F11R: variants seen among roughly 807,000 people sequenced by gnomAD.
F11R encodes the protein junctional adhesion molecule A.
In F11R, 27 loss-of-function variants were observed where a neutral mutation model predicts 39.3. The ratio of observed to expected loss-of-function variants is 0.69; its 90% CI spans 0.51 to 0.95. The LOEUF (loss-of-function observed/expected upper bound fraction) is 0.95, where lower values mean the gene tolerates loss of function less well. F11R is among the 40% of genes least tolerant of loss of function. The pLI, the probability that F11R is intolerant of heterozygous loss-of-function variation, is 0.00. For missense variants in F11R, 335 were observed against 372.7 expected (o/e 0.90, Z 0.83); for synonymous variants, 131 against 144.9 (o/e 0.90, Z 0.69).
intron 1 of F11R, among the ~76,000 whole-genome samples, chr1:161,007,358 A>C (rs201048714): frequency 7.5e-6 from 1 of 132,612 alleles, no homozygotes; most frequent in African/African-American, 2.9e-5. Context: ...CCAGCTACTC[A>C]GGAGGCTGAG....
chr1:161,019,511 C>A lies in F11R; in HGVS notation c.64+1499G>T, dbSNP rs532590235. Among the ~76,000 whole-genome samples, 3 of 150,516 alleles carry A rather than the reference C, an allele frequency of 2.0e-5. No homozygotes were observed. The Middle Eastern group carries it at 0.01, about 519-fold the overall frequency. ...TCGGGAGGCTGAGGCAGGAGAATCG[C>A]TTAAACCCGGAAGGCGGAGGTTGCG... On this transcript the variant is annotated intron_variant, in intron 1 of 9. Coordinates refer to ENST00000368026, the MANE Select transcript of F11R (RefSeq NM_016946.6).
At chr1:161,000,903 G>A (rs2101968738) in intron 3 of F11R, 117 bp downstream of exon 3, 1 of 1,464,162 alleles carries the variant, frequency 6.8e-7, no homozygotes, top group Non-Finnish European at 9.5e-7. Context: ...GGAAGGCCAT[G>A]AGGACTTCAG....
chr1:160,999,500 T>C, intron 7 of F11R, 92 bp from the exon 8 acceptor site: 1 of 1,575,442 alleles, frequency 6.3e-7, no homozygotes, highest in Non-Finnish European at 8.7e-7. Flanking sequence ...GCTCTTGGTG[T>C]TAGATGGGTG....
intron 5 of F11R, 32 bp downstream of exon 5, chr1:161,000,114 C>A: frequency 6.2e-7 from 1 of 1,612,388 alleles, no homozygotes; most frequent in South Asian, 1.1e-5. Context: ...ACTGCATCCC[C>A]CACACATCTT....
rs199540108 is a variant in F11R, at chr1:161,000,215, A to G, written c.522T>C (p.Pro174=). Residue 174 remains proline, a synonymous_variant, in exon 5 of 10, where the codon CCT becomes CCC. Coordinates refer to ENST00000368026, the MANE Select transcript of F11R (RefSeq NM_016946.6). The part of the protein sequence containing the change: ...YTWFKDGIVM[P]TNPKSTRAFS... ...AGGCACGGGTGCTTTTGGGATTCGT[A>G]GGCATCACTATCCCATCTTTGAACC... 1.9e-5 allele frequency: 31 copies of G among 1,614,024 alleles called. No homozygotes were observed. The highest frequency in any genetic ancestry group is 2.4e-5 in the Non-Finnish European group (28 of 1,180,034).
intron 1 of F11R, among the ~76,000 whole-genome samples, chr1:161,017,552 T>A (rs866979760): frequency 6.6e-6 from 1 of 152,312 alleles, no homozygotes; most frequent in South Asian, 2.1e-4. Context: ...TGTTCACGTG[T>A]TTGTCTACTG....
intron 1 of F11R, among the ~76,000 whole-genome samples, chr1:161,011,801 T>A (rs1370448265): frequency 1.3e-5 from 2 of 152,048 alleles, no homozygotes; most frequent in African/African-American, 4.8e-5. Flanking sequence ...AAGACTAGAA[T>A]GAAACACCAG....
At position 160,998,714 on chromosome 1, in the gene F11R, T is replaced by G; in HGVS notation, c.*157A>C. ...AGGGCATGAAGGAGGATGGGGCACA[T>G]AGCTGACATTATTAAAAACACATCC... On this transcript the variant is annotated 3_prime_UTR_variant, in exon 10 of 10. Coordinates refer to ENST00000368026, the MANE Select transcript of F11R (RefSeq NM_016946.6). 1.5e-6 allele frequency: 1 copy of G among 682,942 alleles called. No individual in the cohort carries two copies. Among genetic ancestry groups the G allele is most frequent in the Non-Finnish European group, 2.6e-6 (1 of 386,324 alleles). The allele number at this position is 682,942 out of a possible 1,614,324, so 42.3% of individuals were successfully genotyped here. A position where few individuals can be genotyped will look rare whatever the true frequency, so the allele number is the denominator to read the frequency against.
At chr1:161,000,608 C>T (rs753261034) in intron 4 of F11R, 23 bp downstream of exon 4, 1 of 1,613,944 alleles carries the variant, frequency 6.2e-7, no homozygotes, top group Non-Finnish European at 8.5e-7. Flanking sequence ...TCCAGGCCCA[C>T]CCAGAAGACA....
chr1:161,002,196 A>T (rs1172999993), intron 1 of F11R, among the ~76,000 whole-genome samples: 1 of 145,932 alleles, frequency 6.9e-6, no homozygotes, highest in East Asian at 2.2e-4. Flanking sequence ...CGGGAGGCGG[A>T]GATTGCAGTG....
Position 160,996,593 on chromosome 1 carries a change from C to G in F11R, c.*2278G>C, listed in dbSNP as rs558172563. On this transcript the variant is annotated 3_prime_UTR_variant, in exon 10 of 10. Transcript: ENST00000368026. ...CCAGCCCGACCAACATGGTGAAACC[C>G]TGTCTCTACTAAAAACACAAAAATT... The G allele has an allele frequency of 6.6e-6, 1 of 152,244 alleles. No homozygotes were observed. The highest frequency in any genetic ancestry group is 1.5e-5 in the Non-Finnish European group (1 of 68,076). 9.4% of individuals were successfully genotyped at this position (152,244 alleles called of 1,614,324 possible).
chr1:161,005,879 C>T (rs1003638343), intron 1 of F11R, among the ~76,000 whole-genome samples: 2 of 152,070 alleles, frequency 1.3e-5, no homozygotes, highest in African/African-American at 4.8e-5. Context: ...GCTCAACAGC[C>T]TGTAATCCCA....
intron 1 of F11R, among the ~76,000 whole-genome samples, chr1:161,019,238 T>TA (rs1343738144): frequency 6.6e-6 from 1 of 150,816 alleles, no homozygotes; most frequent in Admixed American, 6.6e-5. Context: ...CAGGCAGAAG[T>TA]AAAATAGGCA....
chr1:161,017,341 G>A (rs934186990), intron 1 of F11R, among the ~76,000 whole-genome samples: 19 of 152,150 alleles, frequency 1.2e-4, no homozygotes, highest in Admixed American at 6.5e-4. Flanking sequence ...TCTCCTGCCC[G>A]TCCCTGGGCA....
In F11R at chr1:161,000,651, T is replaced by C. The variant is rs1198036623; in HGVS notation, c.368A>G (p.Lys123Arg). 1 of 1,613,936 alleles carries C rather than the reference T, an allele frequency of 6.2e-7. No individual in the cohort carries two copies. Among genetic ancestry groups the C allele is most frequent in the Non-Finnish European group, 8.5e-7 (1 of 1,180,002 alleles). ...CGTACCAAGCACGATGAGCTTGACCTTGACCTCCCCATAGCTGTTGCCGCC... is the reference window on the plus strand; with the variant it reads ...CGTACCAAGCACGATGAGCTTGACCCTGACCTCCCCATAGCTGTTGCCGCC... The part of the protein sequence containing the change: ...EEGGNSYGEV[K>R]VKLIVLVPPS... The change falls in exon 4 of 10, where the codon AAG becomes AGG. Residue 123 changes from lysine to arginine, a missense_variant. Lys to Arg is a conservative substitution (Grantham distance 26, BLOSUM62 2). Coordinates refer to ENST00000368026, the MANE Select transcript of F11R (RefSeq NM_016946.6).
At chr1:161,017,548 C>T (rs1302000316) in intron 1 of F11R, among the ~76,000 whole-genome samples, 2 of 152,172 alleles carry the variant, frequency 1.3e-5, no homozygotes, top group Non-Finnish European at 2.9e-5. Flanking sequence ...CCTTTGTTCA[C>T]GTGTTTGTCT....
intron 1 of F11R, among the ~76,000 whole-genome samples, chr1:161,011,852 T>A (rs1649179440): frequency 1.3e-5 from 2 of 152,224 alleles, no homozygotes; most frequent in African/African-American, 4.8e-5. Flanking sequence ...TACATGTGAT[T>A]TTATTTTCTC....
At position 161,001,135 on chromosome 1, in the gene F11R, C is replaced by T. The variant is rs1298385506; in HGVS notation, c.134-8G>A. 1 of 1,613,526 alleles carries T rather than the reference C, an allele frequency of 6.2e-7. No homozygotes were observed. The highest frequency in any genetic ancestry group is 8.5e-7 in the Non-Finnish European group (1 of 1,179,584). ...CACAGGACAACTTCACAGCTGCAGA[C>T]AGGGTCAAAATGAGCCGAAGGAAGA... is the stretch of plus-strand genomic sequence containing the variant. On this transcript the variant is annotated splice_polypyrimidine_tract_variant and splice_region_variant and intron_variant, in intron 2 of 9. Transcript: ENST00000368026.
At position 160,995,304 on chromosome 1, in the gene F11R, C is replaced by T. The variant is rs2101960628; in HGVS notation, c.*3567G>A. The T allele has an allele frequency of 6.6e-6, 1 of 152,322 alleles. No homozygotes were observed. The highest frequency in any genetic ancestry group is 1.9e-4 in the East Asian group (1 of 5,316). 9.4% of individuals were successfully genotyped at this position (152,322 alleles called of 1,614,324 possible). On this transcript the variant is annotated 3_prime_UTR_variant, in exon 10 of 10. Transcript: ENST00000368026. ...TCAGGCCCCAAGAAACATACTGTCC[C>T]CTCATTTAGAAACAGACTAACTCCG...
Sources: gnomAD v4.1 joint callset for allele counts (sites outside exome capture counted in the v4.1 genomes callset) on GRCh38, gnomAD v4.1.1 for gene constraint, MANE v1.5 for transcripts, NCBI Gene and HGNC (gene_info 2026-07-23, HGNC 2026-07-21) for gene names.